Variants in NQO2 observed in about 807,000 individuals in gnomAD.
NQO2 encodes the protein N-ribosyldihydronicotinamide:quinone dehydrogenase 2.
NQO2 carries 18 observed loss-of-function variants against 22.0 expected under a neutral mutation model. The ratio of observed to expected loss-of-function variants is 0.82; its 90% confidence interval spans 0.56 to 1.21. NQO2 has a LOEUF of 1.21. NQO2 is among the 50% of genes most tolerant of loss of function. NQO2 has a pLI of 0.00. For missense variants in NQO2, 267 were observed against 286.9 expected, an observed-to-expected ratio of 0.93 and a Z score of 0.50; for synonymous variants, 106 against 110.8, an observed-to-expected ratio of 0.96 and a Z score of 0.28.
intron 1 of NQO2, chr6:3,004,662 G>C: frequency 1.0e-6 from 1 of 984,738 alleles, no homozygotes; most frequent in East Asian, 1.1e-4. Context: ...GTGGGGATAA[G>C]CACCACTTTT....
At position 3,019,540 on chromosome 6, in the gene NQO2, A is replaced by G. The variant is rs1171371386; in HGVS notation, c.581A>G (p.Glu194Gly). ...VLAPQISFAP[E>G]IASEEERKGM... ...GCCCCTCAGATCAGCTTTGCTCCTG[A>G]AATTGCATCCGAAGAAGAAAGAAAG... Residue 194 changes from glutamate to glycine, a missense_variant, in exon 7 of 7, where the codon GAA becomes GGA. Glu to Gly is a moderately conservative substitution (Grantham distance 98). Transcript: ENST00000380455. 6.2e-7 allele frequency: 1 copy of G among 1,614,214 alleles called. No individual in the cohort carries two copies. Among genetic ancestry groups the G allele is most frequent in the Non-Finnish European group, 8.5e-7 (1 of 1,180,044 alleles).
Position 3,007,130 on chromosome 6 carries a change from C to T in NQO2, c.7+571C>T, listed in dbSNP as rs535553871. Among the ~76,000 whole-genome samples the T allele has an allele frequency of 1.1e-4, 16 of 152,010 alleles. No homozygotes were observed. In the East Asian group the frequency reaches 3.1e-3, roughly 29 times the overall value. On this transcript the variant is annotated intron_variant, in intron 2 of 6. Transcript: ENST00000380455. ...GGATTTTCGCCCTTGGCACCACTGACATTCTGGGCCAGATAATCCTATGTT... is the reference window on the plus strand; with the variant it reads ...GGATTTTCGCCCTTGGCACCACTGATATTCTGGGCCAGATAATCCTATGTT...
At chr6:3,016,680 C>A in intron 5 of NQO2, 1 of 883,010 alleles carries the variant, frequency 1.1e-6, no homozygotes, top group Non-Finnish European at 1.4e-6. Context: ...TCTGTGTCTG[C>A]TTGGTCCATT....
chr6:3,005,470 G>C (rs1040864113), intron 1 of NQO2, among the ~76,000 whole-genome samples: 39 of 152,112 alleles, frequency 2.6e-4, no homozygotes, highest in African/African-American at 9.2e-4. Flanking sequence ...TTGTGGTTTT[G>C]ATTTGCATTT....
chr6:3,009,931 A>T, intron 2 of NQO2, 94 bp from the exon 3 acceptor site: 1 of 1,493,368 alleles, frequency 6.7e-7, no homozygotes, highest in African/African-American at 1.4e-5. Flanking sequence ...AATTACTATG[A>T]TGCACCTGAA....
intron 1 of NQO2, among the ~76,000 whole-genome samples, chr6:3,000,753 G>A (rs1386574767): frequency 1.3e-5 from 2 of 152,132 alleles, no homozygotes; most frequent in Non-Finnish European, 2.9e-5. Context: ...TGGTCAGGCT[G>A]GTCTCAAACT....
At chr6:3,016,763 C>T (rs1208011031) in intron 5 of NQO2, 121 bp from the exon 6 acceptor site, 5 of 1,496,246 alleles carry the variant, frequency 3.3e-6, no homozygotes, top group Non-Finnish European at 1.8e-6. Context: ...TTTGTCCATC[C>T]CTGGAGGGTG....
At chr6:3,002,084 AC>A in intron 1 of NQO2, 1 of 357,392 alleles carries the variant, frequency 2.8e-6, no homozygotes, top group Non-Finnish European at 3.9e-6. Flanking sequence ...CTCACATGCC[AC>A]CAGCCATATG....
At position 3,001,608 on chromosome 6, in the gene NQO2, C is replaced by T. The variant is rs1004609212; in HGVS notation, c.-86+1523C>T. Among the ~76,000 whole-genome samples the T allele has an allele frequency of 3.3e-5, 5 of 152,014 alleles. No individual in the cohort carries two copies. The East Asian group carries it at 9.6e-4, about 29-fold the overall frequency. ...GGTATGCAGGCAATGGTTTAGCTGC[C>T]GCATGAATACACACTGAATACACTG... On this transcript the variant is annotated intron_variant, in intron 1 of 6. Transcript: ENST00000380455.
At chr6:3,004,383 G>C (rs1204231027) in intron 1 of NQO2, 1 of 983,890 alleles carries the variant, frequency 1.0e-6, no homozygotes, top group African/African-American at 1.8e-5. Context: ...GGAGTGATCA[G>C]AGCTGTCTGC....
chr6:3,016,752 A>G, intron 5 of NQO2, 132 bp from the exon 6 acceptor site: 3 of 1,476,170 alleles, frequency 2.0e-6, no homozygotes, highest in South Asian at 1.3e-5. Context: ...GGAGTGTTGC[A>G]TTTGTCCATC....
chr6:3,017,036 A>G (rs1757352997), intron 6 of NQO2, 51 bp downstream of exon 6: 13 of 1,596,044 alleles, frequency 8.1e-6, no homozygotes, highest in Non-Finnish European at 1.1e-5. Flanking sequence ...GCACACACAG[A>G]CACACACATG....
chr6:3,012,240 A>C lies in NQO2; in HGVS notation c.173-304A>C, dbSNP rs534646848. Among the ~76,000 whole-genome samples, 65 of 152,376 alleles carry C rather than the reference A, an allele frequency of 4.3e-4. 1 individual carries two copies. The South Asian group carries it at 0.013, about 32-fold the overall frequency. On this transcript the variant is annotated intron_variant, in intron 3 of 6. Transcript: ENST00000380455. ...CTGTTTGGCATTGAACAAGACATCC[A>C]GCCTCTCTTGGGTGTCAGTTTGCTC...
rs1285966922 is a variant in NQO2, at chr6:3,004,425, T to G, written c.-85-2043T>G. 28 of 985,814 alleles carry G rather than the reference T, an allele frequency of 2.8e-5. No homozygotes were observed. In the Middle Eastern group the frequency reaches 1.6e-3, roughly 55 times the overall value. The allele number at this position is 985,814 out of a possible 1,614,324, so 61.1% of individuals were successfully genotyped here. On this transcript the variant is annotated intron_variant, in intron 1 of 6. Transcript: ENST00000380455. ...GGGGAGTGACAGTGCCCCACTCTGTTAAGTCCCATGCCTGCCCCCAACTCA... is the reference window on the plus strand; with the variant it reads ...GGGGAGTGACAGTGCCCCACTCTGTGAAGTCCCATGCCTGCCCCCAACTCA...
chr6:3,017,052 A>G lies in NQO2; in HGVS notation c.519+67A>G, dbSNP rs1020770575. 1.0e-5 allele frequency: 16 copies of G among 1,555,218 alleles called. No individual in the cohort carries two copies. The Admixed American group carries it at 1.3e-4, about 12-fold the overall frequency. Reference sequence around the variant, plus strand: ...CACACACAGACACACACATGCACACATGCATACACACACACACGCACACAC... The same window carrying G: ...CACACACAGACACACACATGCACACGTGCATACACACACACACGCACACAC... On this transcript the variant is annotated intron_variant, in intron 6 of 6. Coordinates refer to ENST00000380455, the MANE Select transcript of NQO2 (RefSeq NM_000904.6).
intron 4 of NQO2, 116 bp from the exon 5 acceptor site, chr6:3,015,414 C>T: frequency 6.8e-7 from 1 of 1,480,698 alleles, no homozygotes; most frequent in East Asian, 2.5e-5. Context: ...CCTCACCTGC[C>T]CAGCTGCCAG....
intron 4 of NQO2, among the ~76,000 whole-genome samples, chr6:3,012,994 C>T (rs1288469282): frequency 3.7e-5 from 4 of 106,778 alleles, no homozygotes; most frequent in South Asian, 3.2e-4. Flanking sequence ...CTCGCTCTGT[C>T]GCCCAGGCTG....
In NQO2 at chr6:3,000,001, A is replaced by G. The variant is rs1353411608; in HGVS notation, c.-170A>G. ...CGAGTGCGCGGTCCAGTGCGGCCGG[A>G]ACCTGGCGCAACTCCTAGAGCGGTC... On this transcript the variant is annotated 5_prime_UTR_variant, in exon 1 of 7. Coordinates refer to ENST00000380455, the MANE Select transcript of NQO2 (RefSeq NM_000904.6). 3 of 152,328 alleles carry G rather than the reference A, an allele frequency of 2.0e-5. No individual in the cohort carries two copies. The highest frequency in any genetic ancestry group is 7.2e-5 in the African/African-American group (3 of 41,464). 9.4% of individuals were successfully genotyped at this position (152,328 alleles called of 1,614,324 possible).
chr6:3,006,557 C>T lies in NQO2; in HGVS notation c.5C>T (p.Ala2Val). ...AGGAATCCACCTTCTTACGCTATGG[C>T]AGGTAATGATTCACTATTGTGGAGT... Reference protein sequence around the residue: MAGKKVLIVYAH... With the variant: MVGKKVLIVYAH... Residue 2 changes from alanine to valine, a missense_variant and splice_region_variant, in exon 2 of 7, where the codon GCA becomes GTA. Ala to Val is a moderately conservative substitution (Grantham distance 64). Coordinates refer to ENST00000380455, the MANE Select transcript of NQO2 (RefSeq NM_000904.6). The surrounding 1 kb of genome is among the most constrained non-coding windows in gnomAD (Gnocchi z 4.0). 1.2e-6 allele frequency: 2 copies of T among 1,607,074 alleles called. No individual in the cohort carries two copies. The highest frequency in any genetic ancestry group is 8.5e-7 in the Non-Finnish European group (1 of 1,177,072).
Sources: allele counts gnomAD v4.1 joint callset (sites outside exome capture counted in the v4.1 genomes callset), GRCh38; gene constraint gnomAD v4.1.1; non-coding constraint Gnocchi (gnomAD v3.1); transcripts MANE v1.5; gene names NCBI Gene and HGNC (gene_info 2026-07-23, HGNC 2026-07-21).